ENOX1: variants seen among roughly 807,000 people sequenced by gnomAD.
ENOX1 encodes the protein ecto-NOX disulfide-thiol exchanger 1, also known as candidate growth-related and time keeping constitutive hydroquinone (NADH) oxidase.
In ENOX1, 42 loss-of-function variants were observed where a neutral mutation model predicts 82.5. The observed-to-expected ratio is 0.51, with a 90% confidence interval of 0.40 to 0.66. The LOEUF is 0.66. Among genes scored for constraint, ENOX1 ranks in the 30% least tolerant of loss-of-function variants. The probability of loss-of-function intolerance (pLI) is 0.00; values close to 1 mark genes in which losing one functional copy is unlikely to be tolerated. For missense variants in ENOX1, 608 were observed against 811.6 expected, an observed-to-expected ratio of 0.75 and a Z score of 3.05; for synonymous variants, 271 against 282.2, an observed-to-expected ratio of 0.96 and a Z score of 0.40.
intron 2 of ENOX1, among the ~76,000 whole-genome samples, chr13:43,656,980 A>G (rs1388899168): frequency 1.3e-5 from 2 of 152,226 alleles, no homozygotes; most frequent in East Asian, 3.8e-4. Context: ...GAAGCTTGCT[A>G]TCTTCAGATT....
rs189432676 is a variant in ENOX1 at position 43,455,889 on chromosome 13, A to T, written c.-75+28120T>A. On this transcript the variant is annotated intron_variant, in intron 3 of 16. Transcript: ENST00000690772. ...CTTTGTTCTTTCCTTGCCTTCTGCC[A>T]TGATTGTGAGGTCTCCCCAGCCATG... Among the ~76,000 whole-genome samples the T allele has an allele frequency of 3.0e-3, 456 of 152,312 alleles. 4 individuals are homozygous for T. Among genetic ancestry groups the T allele is most frequent in the Non-Finnish European group, 3.3e-3 (227 of 68,030 alleles).
Position 43,678,267 on chromosome 13 carries a change from C to CA in ENOX1, c.-284-10724dup, listed in dbSNP as rs919381540. ...TGTCTAGTTAATATTCTATAAAACT[C>CA]AAAAAAATTCCTCAAATATAAAAAA... On this transcript the variant is annotated intron_variant, in intron 1 of 16. Coordinates refer to ENST00000690772, the MANE Select transcript of ENOX1 (RefSeq NM_001347969.2). Among the ~76,000 whole-genome samples, 67 of 152,092 alleles carry CA rather than the reference C, an allele frequency of 4.4e-4. 1 individual carries two copies. In the Middle Eastern group the frequency reaches 0.014, roughly 31 times the overall value.
intron 2 of ENOX1, among the ~76,000 whole-genome samples, chr13:43,491,821 T>C (rs996380465): frequency 6.6e-6 from 1 of 152,112 alleles, no homozygotes; most frequent in African/African-American, 2.4e-5. Flanking sequence ...AATGTAACTC[T>C]AATTATGTAC....
At chr13:43,668,782 A>G (rs2085113613) in intron 1 of ENOX1, among the ~76,000 whole-genome samples, 1 of 152,212 alleles carries the variant, frequency 6.6e-6, no homozygotes, top group Non-Finnish European at 1.5e-5. Flanking sequence ...GGTGGGAAAC[A>G]CTGGGAAGGC....
chr13:43,344,096 A>G (rs775086378), intron 9 of ENOX1, among the ~76,000 whole-genome samples: 1 of 152,166 alleles, frequency 6.6e-6, no homozygotes, highest in Non-Finnish European at 1.5e-5. Flanking sequence ...GATCCTGAGG[A>G]GTTTTTCTGA....
intron 2 of ENOX1, among the ~76,000 whole-genome samples, chr13:43,638,988 G>A (rs576079901): frequency 6.6e-6 from 1 of 152,264 alleles, no homozygotes; most frequent in East Asian, 1.9e-4. Flanking sequence ...ATGAATATTA[G>A]TACTTTCACC....
At chr13:43,350,141 A>G (rs1263230210) in intron 8 of ENOX1, among the ~76,000 whole-genome samples, 2 of 152,244 alleles carry the variant, frequency 1.3e-5, no homozygotes, top group Non-Finnish European at 1.5e-5. Flanking sequence ...AACAATGCAA[A>G]TTAATTTTTG....
chr13:43,667,284 C>CT (rs2085029329), intron 2 of ENOX1, among the ~76,000 whole-genome samples, 195 bp downstream of exon 2: 1 of 152,182 alleles, frequency 6.6e-6, no homozygotes, highest in African/African-American at 2.4e-5. Context: ...TACAGAGGCC[C>CT]TGTCACAGGT....
At chr13:43,490,975 C>A (rs1179653962) in intron 2 of ENOX1, among the ~76,000 whole-genome samples, 2 of 152,190 alleles carry the variant, frequency 1.3e-5, no homozygotes, top group Non-Finnish European at 2.9e-5. Context: ...TGTGTCAATT[C>A]ATTCTTAGAT....
At position 43,355,963 on chromosome 13, in the gene ENOX1, T is replaced by A; in HGVS notation, c.779A>T (p.His260Leu). 4 of 1,614,096 alleles carry A rather than the reference T, an allele frequency of 2.5e-6. No homozygotes were observed. The highest frequency in any genetic ancestry group is 3.4e-6 in the Non-Finnish European group (4 of 1,180,048). The change falls in exon 8 of 17, where the codon CAC becomes CTC. Residue 260 changes from histidine (H) to leucine (L), a missense_variant. By Grantham distance (99) the His-to-Leu change is moderately conservative. Coordinates refer to ENST00000690772, the MANE Select transcript of ENOX1 (RefSeq NM_001347969.2). ...LRPPSPPAIMHYSEHEAALLA... is the reference protein window; with the variant it reads ...LRPPSPPAIMLYSEHEAALLA... ...CAGAGCGGCTTCGTGCTCCGAGTAG[T>A]GCATTATGGCAGGCGGGGATGGGGG...
chr13:43,226,028 C>A (rs2042007867), intron 15 of ENOX1, among the ~76,000 whole-genome samples: 1 of 152,098 alleles, frequency 6.6e-6, no homozygotes, highest in Admixed American at 6.6e-5. Flanking sequence ...GGAAAAATAG[C>A]CACTTTTAAT....
chr13:43,538,572 T>TG (rs1191007870), intron 2 of ENOX1, among the ~76,000 whole-genome samples: 1 of 152,246 alleles, frequency 6.6e-6, no homozygotes, highest in Non-Finnish European at 1.5e-5. Context: ...CTTGTGCCCC[T>TG]GGTTTAATTC....
chr13:43,369,614 T>G (rs892952477), intron 5 of ENOX1, among the ~76,000 whole-genome samples: 1 of 152,254 alleles, frequency 6.6e-6, no homozygotes, highest in African/African-American at 2.4e-5. Flanking sequence ...CATGCAACTT[T>G]GAAGTTGACA....
At chr13:43,736,102 T>C (rs889866075) in intron 1 of ENOX1, among the ~76,000 whole-genome samples, 1 of 152,212 alleles carries the variant, frequency 6.6e-6, no homozygotes, top group African/African-American at 2.4e-5. Flanking sequence ...TCGTTTAATG[T>C]ACCTTATTGA....
chr13:43,548,448 C>G (rs2079056050), intron 2 of ENOX1, among the ~76,000 whole-genome samples: 1 of 152,144 alleles, frequency 6.6e-6, no homozygotes, highest in South Asian at 2.1e-4. Context: ...GGACCTTTCT[C>G]CATCTCTTAA....
At chr13:43,358,488 G>A (rs919813636) in intron 7 of ENOX1, among the ~76,000 whole-genome samples, 6 of 152,150 alleles carry the variant, frequency 3.9e-5, no homozygotes, top group African/African-American at 1.4e-4. Context: ...CAAGTGTACT[G>A]AGGGATGACT....
At chr13:43,732,512 A>G (rs1038592654) in intron 1 of ENOX1, among the ~76,000 whole-genome samples, 1 of 152,196 alleles carries the variant, frequency 6.6e-6, no homozygotes, top group Admixed American at 6.5e-5. Flanking sequence ...TGTACCAAGT[A>G]ATGGTGAGCG....
chr13:43,701,485 C>T (rs1490476905), intron 1 of ENOX1, among the ~76,000 whole-genome samples: 1 of 152,024 alleles, frequency 6.6e-6, no homozygotes, highest in Non-Finnish European at 1.5e-5. Context: ...TATACCCATG[C>T]AATTATTGTG....
chr13:43,556,992 A>G (rs1245668041), intron 2 of ENOX1, among the ~76,000 whole-genome samples: 1 of 152,214 alleles, frequency 6.6e-6, no homozygotes, highest in Non-Finnish European at 1.5e-5. Context: ...ACATGCTTCA[A>G]TCAGTAGGAA....
Sources: gnomAD v4.1 joint callset for allele counts (sites outside exome capture counted in the v4.1 genomes callset) on GRCh38, gnomAD v4.1.1 for gene constraint, MANE v1.5 for transcripts, NCBI Gene and HGNC (gene_info 2026-07-23, HGNC 2026-07-21) for gene names.